The following SECISBP2L variants were observed in gnomAD, a reference collection of about 807,000 sequenced individuals.
SECISBP2L encodes the protein selenocysteine insertion sequence-binding protein 2-like.
Under a neutral mutation model 114.7 loss-of-function variants are expected in SECISBP2L, and 43 were observed. The observed-to-expected ratio is 0.38, with a 90% CI of 0.29 to 0.48. SECISBP2L has a LOEUF of 0.48. Ranked by LOEUF, SECISBP2L falls within the 20% of genes least tolerant of loss-of-function variation. The probability of loss-of-function intolerance (pLI) is 0.98; values close to 1 mark genes in which losing one functional copy is unlikely to be tolerated. For synonymous variants in SECISBP2L, 451 were observed against 439.7 expected (o/e 1.03, Z -0.32); for missense variants, 1,136 against 1,301.1 (o/e 0.87, Z 1.95).
At chr15:49,029,645 C>T (rs1902841542) in intron 4 of SECISBP2L, among the ~76,000 whole-genome samples, 1 of 152,126 alleles carries the variant, frequency 6.6e-6, no homozygotes, top group East Asian at 1.9e-4. Context: ...TGCATATATG[C>T]ATATGTAAGT....
intron 13 of SECISBP2L, among the ~76,000 whole-genome samples, chr15:49,011,189 T>C (rs1189191751): frequency 6.6e-6 from 1 of 152,218 alleles, no homozygotes; most frequent in South Asian, 2.1e-4. Flanking sequence ...TATGGTGGTA[T>C]AAATATTAGA....
chr15:49,031,380 T>C (rs958350328), intron 4 of SECISBP2L, among the ~76,000 whole-genome samples: 14 of 152,288 alleles, frequency 9.2e-5, no homozygotes, highest in African/African-American at 3.1e-4. Context: ...ATACATCCCA[T>C]ATGTCTTCTC....
At chr15:49,031,061 C>CTTTTTTTTT (rs1566861328) in intron 4 of SECISBP2L, among the ~76,000 whole-genome samples, 6 of 77,040 alleles carry the variant, frequency 7.8e-5, no homozygotes, top group Admixed American at 2.1e-4. Flanking sequence ...TTTTTTTTTT[C>CTTTTTTTTT]CCTTTTGAGA....
intron 2 of SECISBP2L, among the ~76,000 whole-genome samples, chr15:49,036,295 T>C (rs1479642979): frequency 6.6e-6 from 1 of 152,172 alleles, no homozygotes; most frequent in Admixed American, 6.5e-5. Flanking sequence ...GCAGTTCATA[T>C]AAAACACTAG....
intron 4 of SECISBP2L, among the ~76,000 whole-genome samples, chr15:49,031,194 C>T (rs760121617): frequency 1.3e-5 from 2 of 151,728 alleles, no homozygotes; most frequent in Non-Finnish European, 2.9e-5. Flanking sequence ...ACTACAGGCA[C>T]GTGCCACCAC....
intron 16 of SECISBP2L, 114 bp downstream of exon 16, chr15:48,999,719 T>G: frequency 8.9e-7 from 1 of 1,123,778 alleles, no homozygotes; most frequent in Non-Finnish European, 1.2e-6. Flanking sequence ...TCTTTCAGGG[T>G]TGTCAACTCA....
intron 14 of SECISBP2L, among the ~76,000 whole-genome samples, chr15:49,006,994 T>G (rs1023744967): frequency 6.6e-6 from 1 of 152,194 alleles, no homozygotes; most frequent in Admixed American, 6.5e-5. Flanking sequence ...GACATCCTTT[T>G]TGTTGATGTT....
At chr15:49,025,385 G>T (rs1011306598) in intron 7 of SECISBP2L, among the ~76,000 whole-genome samples, 1 of 152,088 alleles carries the variant, frequency 6.6e-6, no homozygotes, top group African/African-American at 2.4e-5. Flanking sequence ...GGTACCTTGG[G>T]GATGGGATCC....
Position 49,016,946 on chromosome 15 carries a change from G to A in SECISBP2L, c.1321C>T (p.Pro441Ser). Residue 441 changes from proline to serine, a missense_variant, in exon 10 of 18, where the codon CCC (proline) becomes TCC (serine). Pro to Ser is a moderately conservative substitution (Grantham distance 74). This residue lies in a region of SECISBP2L where 684 missense variants were observed against 848.7 expected (regional missense o/e 0.81). Transcript: ENST00000559471. The stretch of plus-strand genomic sequence containing the variant: ...TTCTTCTGACTTTTTGCACGTTTGG[G>A]AACTGAGGTGGTAATAGGAATTGGA... ...QTPIPITTSV[P>S]KRAKSQKKKA... 2 of 1,613,998 alleles carry A rather than the reference G, an allele frequency of 1.2e-6. No individual in the cohort carries two copies. The highest frequency in any genetic ancestry group is 1.1e-5 in the South Asian group (1 of 91,070).
intron 13 of SECISBP2L, among the ~76,000 whole-genome samples, chr15:49,011,333 G>T (rs1028490497): frequency 6.6e-6 from 1 of 152,096 alleles, no homozygotes; most frequent in Non-Finnish European, 1.5e-5. Context: ...TTAATTCCAT[G>T]AAAGCAAGAA....
At chr15:49,021,430 C>G (rs1158836795) in intron 7 of SECISBP2L, among the ~76,000 whole-genome samples, 1 of 152,234 alleles carries the variant, frequency 6.6e-6, no homozygotes. Flanking sequence ...AGTTACCTCT[C>G]TTAAGTACCA....
chr15:49,043,637 G>T lies in SECISBP2L; in HGVS notation c.24+2639C>A, dbSNP rs199923308. ...TTTTTTTTTTTTCAGGGGAAAAAATGCATTATATACCAAGCAACACATATT... is the reference window on the plus strand; with the variant it reads ...TTTTTTTTTTTTCAGGGGAAAAAATTCATTATATACCAAGCAACACATATT... On this transcript the variant is annotated intron_variant, in intron 1 of 17. Coordinates refer to ENST00000559471, the MANE Select transcript of SECISBP2L (RefSeq NM_001193489.2). Among the ~76,000 whole-genome samples the T allele has an allele frequency of 3.6e-5, 5 of 139,400 alleles. No homozygotes were observed. In the East Asian group the frequency reaches 8.1e-4, roughly 23 times the overall value. 91.5% of individuals were successfully genotyped at this position (139,400 alleles called of 152,430 possible). A position where few individuals can be genotyped will look rare whatever the true frequency, so the allele number is the denominator to read the frequency against.
rs1902201234 is a variant in SECISBP2L at position 49,001,223 on chromosome 15, AAAG to A, written c.2028-129_2028-127del. On this transcript the variant is annotated intron_variant, in intron 14 of 17. Transcript: ENST00000559471. ...AAGAAGTTTTCATGAAAAGTCTCTT[AAAG>A]AAGTGTTTAAAACTTCTTAAATCCT... 35 of 638,056 alleles carry A rather than the reference AAAG, an allele frequency of 5.5e-5. No individual in the cohort carries two copies. In the South Asian group the frequency reaches 7.8e-4, roughly 14 times the overall value. 39.5% of individuals were successfully genotyped at this position (638,056 alleles called of 1,614,324 possible). A position where few individuals can be genotyped will look rare whatever the true frequency, so the allele number is the denominator to read the frequency against.
intron 1 of SECISBP2L, 101 bp from the exon 2 acceptor site, chr15:49,037,870 T>C (rs1256033960): frequency 1.5e-5 from 13 of 885,368 alleles, no homozygotes; most frequent in Non-Finnish European, 2.1e-5. Context: ...AAACAGTAAT[T>C]AGGTCTCTTC....
intron 4 of SECISBP2L, among the ~76,000 whole-genome samples, chr15:49,030,944 A>G (rs1447590823): frequency 6.8e-6 from 1 of 146,800 alleles, no homozygotes; most frequent in Non-Finnish European, 1.5e-5. Context: ...CTGTTCCTTT[A>G]TTTTAGCATT....
Position 49,032,581 on chromosome 15 carries a change from A to C in SECISBP2L, c.664+384T>G, listed in dbSNP as rs182308940. ...AAAACTTCCTAAGTTCTTTCTACAA[A>C]GATATATAGGATATTAGGATGTTTT... On this transcript the variant is annotated intron_variant, in intron 4 of 17. Coordinates refer to ENST00000559471, the MANE Select transcript of SECISBP2L (RefSeq NM_001193489.2). 7.9e-5 allele frequency among the ~76,000 whole-genome samples: 12 copies of C among 152,342 alleles called. No individual in the cohort carries two copies. The East Asian group carries it at 2.3e-3, about 29-fold the overall frequency.
At chr15:49,032,403 T>A (rs1479411452) in intron 4 of SECISBP2L, among the ~76,000 whole-genome samples, 1 of 152,222 alleles carries the variant, frequency 6.6e-6, no homozygotes, top group Non-Finnish European at 1.5e-5. Context: ...TCTTGTCTAT[T>A]ACCAGGTGAA....
rs1902443787 is a variant in SECISBP2L, at chr15:49,011,848, T to C, written c.1747A>G (p.Arg583Gly). The part of the protein sequence containing the change: ...TALKKVILKE[R>G]EEKKGRLTVD... Reference sequence around the variant, plus strand: ...GTTAAGCGCCCCTTCTTTTCCTCTCTTTCTTTTAAAATAACCTAAAAGTCA... The same window carrying C: ...GTTAAGCGCCCCTTCTTTTCCTCTCCTTCTTTTAAAATAACCTAAAAGTCA... The change falls in exon 13 of 18, where the codon AGA (arginine) becomes GGA (glycine). Residue 583 changes from arginine (R) to glycine (G), a missense_variant. Around this residue, in one of 2 missense-constraint regions of SECISBP2L, gnomAD observed 684 missense variants for 848.7 expected, o/e 0.81. Coordinates refer to ENST00000559471, the MANE Select transcript of SECISBP2L (RefSeq NM_001193489.2). The C allele has an allele frequency of 6.2e-7, 1 of 1,613,956 alleles. No homozygotes were observed. Among genetic ancestry groups the C allele is most frequent in the Non-Finnish European group, 8.5e-7 (1 of 1,179,964 alleles).
At chr15:48,998,095 C>T (rs1902130970) in intron 16 of SECISBP2L, among the ~76,000 whole-genome samples, 1 of 152,156 alleles carries the variant, frequency 6.6e-6, no homozygotes, top group African/African-American at 2.4e-5. Flanking sequence ...AAGAATTAAA[C>T]ATAACCTGGA....
Sources: allele counts gnomAD v4.1 joint callset (sites outside exome capture counted in the v4.1 genomes callset), GRCh38; gene constraint gnomAD v4.1.1; regional missense constraint gnomAD v4.1.1; transcripts MANE v1.5; gene names NCBI Gene and HGNC (gene_info 2026-07-23, HGNC 2026-07-21).